ZIM2: variants seen among roughly 807,000 people sequenced by gnomAD.
The protein encoded by ZIM2 is zinc finger imprinted 2.
A neutral mutation model predicts 38.6 loss-of-function variants in ZIM2; 14 were observed. The observed-to-expected ratio is 0.36, with a 90% CI of 0.24 to 0.57. The LOEUF (loss-of-function observed/expected upper bound fraction) is 0.57, where lower values mean the gene tolerates loss of function less well. Among genes scored for constraint, ZIM2 ranks in the 20% least tolerant of loss-of-function variants. The pLI is 0.81. For synonymous variants in ZIM2, 247 were observed against 245.8 expected, an observed-to-expected ratio of 1.00 and a Z score of -0.04; for missense variants, 680 against 695.1, an observed-to-expected ratio of 0.98 and a Z score of 0.24.
chr19:56,824,540 G>A (rs2060828736), intron 3 of ZIM2, 113 bp from the exon 4 acceptor site: 1 of 1,614,026 alleles, frequency 6.2e-7, no homozygotes, highest in Non-Finnish European at 8.5e-7. Flanking sequence ...AGAGTCAGTT[G>A]GACCTTCTCC....
At chr19:56,828,586 G>A (rs1296043979) in intron 2 of ZIM2, among the ~76,000 whole-genome samples, 1 of 152,154 alleles carries the variant, frequency 6.6e-6, no homozygotes, top group East Asian at 1.9e-4. Context: ...GGAAAATAAA[G>A]ATGGGTCCAA....
At chr19:56,780,834 A>G (rs1464756841) in intron 11 of ZIM2, among the ~76,000 whole-genome samples, 1 of 152,202 alleles carries the variant, frequency 6.6e-6, no homozygotes, top group East Asian at 1.9e-4. Flanking sequence ...TTTTTCACCA[A>G]CAGATTGAAG....
At chr19:56,780,200 T>C in intron 11 of ZIM2, among the ~76,000 whole-genome samples, 1 of 152,112 alleles carries the variant, frequency 6.6e-6, no homozygotes. Context: ...TGTTTTTCTT[T>C]AGATCACCTT....
chr19:56,793,491 AATTAC>A (rs1347219404), intron 9 of ZIM2, among the ~76,000 whole-genome samples: 1 of 152,200 alleles, frequency 6.6e-6, no homozygotes, highest in Non-Finnish European at 1.5e-5. Flanking sequence ...GACCTGCAGA[AATTAC>A]ATACAGACTT....
At chr19:56,817,407 T>C (rs1333412154) in intron 9 of ZIM2, 2 of 1,614,030 alleles carry the variant, frequency 1.2e-6, no homozygotes, top group Non-Finnish European at 1.7e-6. Flanking sequence ...AGTTATCATC[T>C]GACATTCTGG....
At chr19:56,817,455 T>A in intron 9 of ZIM2, 1 of 1,614,096 alleles carries the variant, frequency 6.2e-7, no homozygotes, top group Admixed American at 1.7e-5. Context: ...CCCTTGCTCT[T>A]CCCGATTTGG....
intron 9 of ZIM2, chr19:56,816,376 T>C (rs1183284325): frequency 3.7e-6 from 6 of 1,614,042 alleles, no homozygotes. Context: ...ATCCCGGCCA[T>C]CTGTAAAGTC....
chr19:56,822,447 CTAGTTTTCAATTTTTGCAGTGGCA>C (rs2060588291), intron 6 of ZIM2: 2 of 323,596 alleles, frequency 6.2e-6, no homozygotes, highest in Non-Finnish European at 1.1e-5. Flanking sequence ...GCACTTCATA[CTAGTTTTCAATTTTTGCAGTGGCA>C]TAGTCTTTCA....
intron 10 of ZIM2, chr19:56,782,555 C>T (rs1484671148): frequency 1.9e-5 from 8 of 416,412 alleles, no homozygotes; most frequent in Non-Finnish European, 2.8e-5. Context: ...GACAAAATAC[C>T]ATTTTATACC....
intron 9 of ZIM2, chr19:56,811,440 C>A (rs1425112621): frequency 3.2e-6 from 3 of 933,688 alleles, no homozygotes; most frequent in Non-Finnish European, 3.8e-6. Flanking sequence ...CACGTTGCTA[C>A]ATAACTCGTG....
chr19:56,832,117 CTG>C (rs1163358105), intron 2 of ZIM2, among the ~76,000 whole-genome samples: 2 of 152,216 alleles, frequency 1.3e-5, no homozygotes, highest in Admixed American at 6.5e-5. Context: ...TAACAAGTCT[CTG>C]TTTCTTTTTC....
At chr19:56,813,418 A>G (rs760388990) in intron 9 of ZIM2, 135 of 1,286,794 alleles carry the variant, frequency 1.0e-4, no homozygotes, top group Non-Finnish European at 1.2e-4. Context: ...GGTTTTCTCA[A>G]TCTGATTACT....
At chr19:56,818,841 A>C in intron 7 of ZIM2, 139 bp from the exon 8 acceptor site, 1 of 974,092 alleles carries the variant, frequency 1.0e-6, no homozygotes, top group Non-Finnish European at 1.5e-6. Flanking sequence ...GAGTGATCCA[A>C]GTCAAGTGTT....
intron 9 of ZIM2, chr19:56,813,983 T>G (rs1434972313): frequency 6.2e-7 from 1 of 1,614,100 alleles, no homozygotes; most frequent in East Asian, 2.2e-5. Context: ...GGGTCTTCAA[T>G]TCCCACACCG....
At chr19:56,816,176 G>A (rs2059960587) in intron 9 of ZIM2, 1 of 1,614,040 alleles carries the variant, frequency 6.2e-7, no homozygotes, top group Non-Finnish European at 8.5e-7. Context: ...TTTTCATAGG[G>A]GTTAGAGCTA....
intron 2 of ZIM2, among the ~76,000 whole-genome samples, chr19:56,830,112 A>G (rs2061438912): frequency 1.3e-5 from 2 of 152,242 alleles, no homozygotes; most frequent in Admixed American, 6.5e-5. Flanking sequence ...CCAACAGAAC[A>G]ACAGAGCACC....
At chr19:56,807,770 AAC>A (rs2146031622) in intron 9 of ZIM2, among the ~76,000 whole-genome samples, 1 of 151,948 alleles carries the variant, frequency 6.6e-6, no homozygotes, top group East Asian at 1.9e-4. Context: ...CAGGCTGGGC[AAC>A]AGAGTGAGAC....
At chr19:56,833,481 G>T in intron 2 of ZIM2, 1 of 276,374 alleles carries the variant, frequency 3.6e-6, no homozygotes, top group Non-Finnish European at 7.1e-6. Flanking sequence ...CCCAGCCCAG[G>T]CCTACGTCAC....
chr19:56,812,473 G>T (rs572040017), intron 9 of ZIM2: 1 of 984,344 alleles, frequency 1.0e-6, no homozygotes, highest in Non-Finnish European at 1.2e-6. Context: ...GATAAATAAC[G>T]AAGAGAATTA....
Sources: gnomAD v4.1 joint callset for allele counts (sites outside exome capture counted in the v4.1 genomes callset) on GRCh38, gnomAD v4.1.1 for gene constraint, MANE v1.5 for transcripts, NCBI Gene and HGNC (gene_info 2026-07-23, HGNC 2026-07-21) for gene names.